The following GAK variants were observed in gnomAD, a reference collection of about 807,000 sequenced individuals.
GAK encodes the protein cyclin-G-associated kinase.
Under a neutral mutation model 143.9 loss-of-function variants are expected in GAK, and 79 were observed. The ratio of observed to expected loss-of-function variants is 0.55; its 90% CI spans 0.46 to 0.66. The LOEUF (loss-of-function observed/expected upper bound fraction) is 0.66, where lower values mean the gene tolerates loss of function less well. Among genes scored for constraint, GAK ranks in the 30% least tolerant of loss-of-function variants. GAK has a pLI of 0.00. For synonymous variants in GAK, 881 were observed against 765.5 expected (o/e 1.15, Z -2.49); for missense variants, 1,693 against 1,779.7 (o/e 0.95, Z 0.88).
At chr4:901,478 C>A (rs370013099) in intron 5 of GAK, among the ~76,000 whole-genome samples, 1 of 152,234 alleles carries the variant, frequency 6.6e-6, no homozygotes, top group South Asian at 2.1e-4. Flanking sequence ...CACGAGCAGA[C>A]GCTGGAGAGG....
In GAK at chr4:867,442, G is replaced by T; in HGVS notation, c.2396-10C>A. The T allele has an allele frequency of 6.6e-7, 1 of 1,513,418 alleles. No individual in the cohort carries two copies. 93.7% of individuals were successfully genotyped at this position (1,513,418 alleles called of 1,614,324 possible). On this transcript the variant is annotated splice_polypyrimidine_tract_variant and intron_variant, in intron 20 of 27. Transcript: ENST00000314167. The stretch of plus-strand genomic sequence containing the variant: ...TCTGCCTCCTTCTCTTCTGCGAAAA[G>T]GAAACAAAACCACAGGCTAGTGAGA...
intron 10 of GAK, among the ~76,000 whole-genome samples, chr4:890,266 C>G (rs1457023913): frequency 6.6e-6 from 1 of 152,182 alleles, no homozygotes; most frequent in East Asian, 1.9e-4. Flanking sequence ...TGGGCCCTGC[C>G]CTGGAGCCTC....
rs1721402192 is a variant in GAK at position 908,057 on chromosome 4, C to T, written c.383-3278G>A. Among the ~76,000 whole-genome samples, 2 of 152,210 alleles carry T rather than the reference C, an allele frequency of 1.3e-5. 1 individual carries two copies. Among genetic ancestry groups the T allele is most frequent in the South Asian group, 4.1e-4 (2 of 4,834 alleles). The stretch of plus-strand genomic sequence containing the variant: ...ACGCCGAGCAGCTTCAGTTTTCACA[C>T]CCGTCCTGCTCAAGCCTTCCAAAGC... On this transcript the variant is annotated intron_variant, in intron 4 of 27. Transcript: ENST00000314167.
intron 1 of GAK, among the ~76,000 whole-genome samples, chr4:921,399 AGAT>A (rs764975173): frequency 3.9e-5 from 6 of 152,200 alleles, no homozygotes; most frequent in Non-Finnish European, 8.8e-5. Flanking sequence ...CAGCCCATCG[AGAT>A]GATTTCTGAG....
intron 11 of GAK, 181 bp from the exon 12 acceptor site, chr4:884,267 T>C: frequency 3.4e-6 from 2 of 587,194 alleles, no homozygotes. Flanking sequence ...GTGCGTGCTG[T>C]GGAGCTGACC....
intron 4 of GAK, among the ~76,000 whole-genome samples, chr4:908,413 A>G (rs1440903501): frequency 6.6e-6 from 1 of 152,200 alleles, no homozygotes; most frequent in Non-Finnish European, 1.5e-5. Flanking sequence ...CAGCGATCCC[A>G]GCGCCTCAGG....
At chr4:902,614 A>AAAAAAAAAAAAAAAC (rs796109765) in intron 5 of GAK, among the ~76,000 whole-genome samples, 39 of 148,288 alleles carry the variant, frequency 2.6e-4, no homozygotes, top group Non-Finnish European at 1.0e-4. Flanking sequence ...AAAAAAAAAA[A>AAAAAAAAAAAAAAAC]CCCCAAAAAA....
chr4:888,806 G>A (rs767748197), intron 11 of GAK, 41 bp downstream of exon 11: 77 of 1,575,854 alleles, frequency 4.9e-5, no homozygotes, highest in Non-Finnish European at 6.4e-5. Context: ...AGCCTGGAAC[G>A]AGCGTGCGGC....
intron 5 of GAK, among the ~76,000 whole-genome samples, chr4:902,605 A>AAAAAAAAC (rs1553889069): frequency 7.7e-6 from 1 of 130,306 alleles, no homozygotes; most frequent in African/African-American, 2.8e-5. Context: ...TCAAAAAAAA[A>AAAAAAAAC]AAAAAAAAAC....
rs537343213 is a variant in GAK at position 898,778 on chromosome 4, G to A, written c.526-620C>T. On this transcript the variant is annotated intron_variant, in intron 5 of 27. Coordinates refer to ENST00000314167, the MANE Select transcript of GAK (RefSeq NM_005255.4). ...CTCAGGAGGCTGAGGCAGGAGAATC[G>A]CTTGAACTTGGGAGGCGGAGGCTGC... Among the ~76,000 whole-genome samples the A allele has an allele frequency of 1.3e-4, 20 of 152,226 alleles. No homozygotes were observed. The East Asian group carries it at 3.9e-3, about 29-fold the overall frequency.
chr4:893,625 G>A lies in GAK; in HGVS notation c.878-136C>T, dbSNP rs181753287. The A allele has an allele frequency of 4.7e-4, 339 of 722,634 alleles. 2 individuals carry two copies. The East Asian group carries it at 9.5e-3, about 20-fold the overall frequency. 44.8% of individuals were successfully genotyped at this position (722,634 alleles called of 1,614,324 possible). Reference sequence around the variant, plus strand: ...GTGACGTCAGAAGCAAGAAGGGAGCGGCAAAGGGAAGAACAAAAACCGAAC... The same window carrying A: ...GTGACGTCAGAAGCAAGAAGGGAGCAGCAAAGGGAAGAACAAAAACCGAAC... On this transcript the variant is annotated intron_variant, in intron 8 of 27. Coordinates refer to ENST00000314167, the MANE Select transcript of GAK (RefSeq NM_005255.4).
At chr4:861,754 G>C (rs139786950) in intron 23 of GAK, among the ~76,000 whole-genome samples, 1 of 152,164 alleles carries the variant, frequency 6.6e-6, no homozygotes, top group African/African-American at 2.4e-5. Context: ...GAGGAAGTTC[G>C]GGTGATCTGG....
intron 7 of GAK, 21 bp downstream of exon 7, chr4:896,439 C>A (rs371488981): frequency 2.8e-5 from 45 of 1,607,626 alleles, no homozygotes; most frequent in Non-Finnish European, 3.5e-5. Context: ...GGCACTGCCA[C>A]TGAGAGGCGC....
chr4:903,970 G>A (rs557047987), intron 5 of GAK, among the ~76,000 whole-genome samples: 1 of 152,386 alleles, frequency 6.6e-6, no homozygotes, highest in South Asian at 2.1e-4. Flanking sequence ...CTTCAGGGCT[G>A]GAAAAGCAAC....
At chr4:892,750 C>T (rs1717921793) in intron 9 of GAK, among the ~76,000 whole-genome samples, 2 of 152,232 alleles carry the variant, frequency 1.3e-5, no homozygotes, top group Non-Finnish European at 1.5e-5. Flanking sequence ...TGAGGGCTGG[C>T]TGACCTGGCT....
At position 896,528 on chromosome 4, in the gene GAK, T is replaced by C. The variant is rs952660552; in HGVS notation, c.673A>G (p.Met225Val). Reference protein sequence around the residue: ...EEEITRNTTPMYRTPEIIDLY... With the variant: ...EEEITRNTTPVYRTPEIIDLY... Reference sequence around the variant, plus strand: ...TCTATGATTTCTGGTGTTCTATACATTGGTGTTGTATTCCTCGTGATCTGA... The same window carrying C: ...TCTATGATTTCTGGTGTTCTATACACTGGTGTTGTATTCCTCGTGATCTGA... Residue 225 changes from methionine to valine, a missense_variant, in exon 7 of 28, where the codon ATG (methionine) becomes GTG (valine). Around this residue, in one of 2 missense-constraint regions of GAK, gnomAD observed 871 missense variants for 991.0 expected, o/e 0.88. Coordinates refer to ENST00000314167, the MANE Select transcript of GAK (RefSeq NM_005255.4). 25 of 1,613,224 alleles carry C rather than the reference T, an allele frequency of 1.5e-5. No individual in the cohort carries two copies. Among genetic ancestry groups the C allele is most frequent in the African/African-American group, 2.7e-5 (2 of 74,946 alleles).
rs780851771 is a variant in GAK at position 849,756 on chromosome 4, C to G, written c.3853G>C (p.Glu1285Gln). The G allele has an allele frequency of 6.2e-7, 1 of 1,613,012 alleles. No homozygotes were observed. Among genetic ancestry groups the G allele is most frequent in the Non-Finnish European group, 8.5e-7 (1 of 1,179,544 alleles). The change falls in exon 28 of 28, where the codon GAG becomes CAG. Residue 1285 changes from glutamate (E) to glutamine (Q), a missense_variant. Transcript: ENST00000314167. ...ATGAAGATCATCTTGGCGTGCTGCT[C>G]GTACGGCTGCCCCGCAGCCTATGGG... ...HPDKAAGQPY[E>Q]QHAKMIFMEL...
At chr4:881,127 G>C (rs947597235) in intron 15 of GAK, among the ~76,000 whole-genome samples, 1 of 152,210 alleles carries the variant, frequency 6.6e-6, no homozygotes, top group East Asian at 1.9e-4. Flanking sequence ...CCGTCCACAG[G>C]CTGTGCGCCC....
chr4:896,388 C>T (rs901169452), intron 7 of GAK, 72 bp downstream of exon 7: 42 of 1,179,288 alleles, frequency 3.6e-5, no homozygotes, highest in Admixed American at 2.8e-4. Context: ...GGCAGGTGCC[C>T]GGCCCACGCC....
Sources: gnomAD v4.1 joint callset for allele counts (sites outside exome capture counted in the v4.1 genomes callset) on GRCh38, gnomAD v4.1.1 for gene constraint, gnomAD v4.1.1 regional missense constraint, MANE v1.5 for transcripts, NCBI Gene and HGNC (gene_info 2026-07-23, HGNC 2026-07-21) for gene names.